Variants in NLGN1 observed in about 807,000 individuals in gnomAD.
NLGN1 encodes neuroligin 1, also known as neuroligin-1.
In NLGN1, 12 loss-of-function variants were observed where a neutral mutation model predicts 65.5. The ratio of observed to expected loss-of-function variants is 0.18; its 90% CI spans 0.12 to 0.30. The LOEUF (loss-of-function observed/expected upper bound fraction) is 0.30, where lower values mean the gene tolerates loss of function less well. Among genes scored for constraint, NLGN1 ranks in the 10% least tolerant of loss-of-function variants. The pLI, the probability that NLGN1 is intolerant of heterozygous loss-of-function variation, is 1.00. For missense variants in NLGN1, 750 were observed against 1,007.1 expected, an observed-to-expected ratio of 0.74 and a Z score of 3.46; for synonymous variants, 350 against 359.5, an observed-to-expected ratio of 0.97 and a Z score of 0.30.
At chr3:174,120,225 C>T (rs1049748303) in intron 4 of NLGN1, among the ~76,000 whole-genome samples, 10 of 152,082 alleles carry the variant, frequency 6.6e-5, no homozygotes, top group South Asian at 2.1e-4. Flanking sequence ...TGGTGGCTCA[C>T]GCCTGTAATC....
At chr3:173,524,569 T>C (rs951927250) in intron 2 of NLGN1, among the ~76,000 whole-genome samples, 1 of 152,248 alleles carries the variant, frequency 6.6e-6, no homozygotes, top group Admixed American at 6.5e-5. Context: ...TTCTCTTGCC[T>C]GTTTGCTCTG....
intron 4 of NLGN1, among the ~76,000 whole-genome samples, chr3:174,035,288 G>A (rs1006789918): frequency 6.6e-6 from 1 of 152,112 alleles, no homozygotes; most frequent in Non-Finnish European, 1.5e-5. Context: ...TTTGAAAGGT[G>A]CAAACAGGAA....
rs1734152891 is a variant in NLGN1, at chr3:174,048,619, A to G, written c.647-226696A>G. On this transcript the variant is annotated intron_variant, in intron 4 of 6. Transcript: ENST00000457714. The stretch of plus-strand genomic sequence containing the variant: ...CCTGGGGGAAATCTGTAGATAAAAG[A>G]CAAAAGCCAATCCATAAAGAATGAC... Among the ~76,000 whole-genome samples the G allele has an allele frequency of 2.0e-5, 3 of 152,064 alleles. No individual in the cohort carries two copies. In the South Asian group the frequency reaches 6.2e-4, roughly 31 times the overall value.
At chr3:173,962,788 C>T (rs907772397) in intron 4 of NLGN1, among the ~76,000 whole-genome samples, 5 of 152,106 alleles carry the variant, frequency 3.3e-5, no homozygotes, top group African/African-American at 1.2e-4. Context: ...CCTAAGGGTG[C>T]TTTCTAATTA....
At chr3:173,935,113 G>A (rs116768222) in intron 4 of NLGN1, among the ~76,000 whole-genome samples, 166 of 151,978 alleles carry the variant, frequency 1.1e-3, no homozygotes, top group African/African-American at 3.9e-3. Flanking sequence ...CCATCTTCTG[G>A]GAGTTCTGGA....
intron 3 of NLGN1, among the ~76,000 whole-genome samples, chr3:173,768,082 A>G (rs1207281405): frequency 1.3e-5 from 2 of 152,086 alleles, no homozygotes; most frequent in Non-Finnish European, 2.9e-5. Flanking sequence ...TGTCTCTCAA[A>G]TATGTATGTG....
chr3:174,113,548 A>G (rs749173822), intron 4 of NLGN1, among the ~76,000 whole-genome samples: 5 of 152,116 alleles, frequency 3.3e-5, no homozygotes, highest in Non-Finnish European at 5.9e-5. Flanking sequence ...TCTCCTAGCT[A>G]AAATGAATTT....
intron 4 of NLGN1, among the ~76,000 whole-genome samples, chr3:174,073,189 T>G (rs1165196011): frequency 1.3e-5 from 2 of 150,898 alleles, no homozygotes; most frequent in African/African-American, 4.9e-5. Context: ...AAATCATAGG[T>G]TTTTTTTTCA....
intron 2 of NLGN1, among the ~76,000 whole-genome samples, chr3:173,488,319 T>A (rs1486958803): frequency 6.6e-6 from 1 of 151,976 alleles, no homozygotes; most frequent in African/African-American, 2.4e-5. Context: ...ATACTCTTTG[T>A]TCATATTCTT....
chr3:173,501,776 T>C (rs1731170154), intron 2 of NLGN1, among the ~76,000 whole-genome samples: 1 of 151,900 alleles, frequency 6.6e-6, no homozygotes. Context: ...TCTCATAGTG[T>C]AAAGAATAGA....
At chr3:173,481,958 T>A (rs1727369428) in intron 2 of NLGN1, among the ~76,000 whole-genome samples, 1 of 152,020 alleles carries the variant, frequency 6.6e-6, no homozygotes, top group African/African-American at 2.4e-5. Context: ...ATTTTATGTT[T>A]GTTATTCATT....
At chr3:173,878,591 A>G (rs1244226922) in intron 4 of NLGN1, among the ~76,000 whole-genome samples, 1 of 151,020 alleles carries the variant, frequency 6.6e-6, no homozygotes, top group African/African-American at 2.4e-5. Context: ...ACATTCATGC[A>G]TTTATCTGTC....
intron 4 of NLGN1, among the ~76,000 whole-genome samples, chr3:174,222,126 A>T (rs2152806599): frequency 6.6e-6 from 1 of 152,216 alleles, no homozygotes; most frequent in East Asian, 1.9e-4. Flanking sequence ...GTATTTTGAG[A>T]TAAGTAGCTG....
Position 174,280,895 on chromosome 3 carries a change from T to C in NLGN1, c.2064T>C (p.Phe688=). ...TTGCAGTTGGAGCATCACTGCTGTT[T>C]CTGAACATCTTGGCCTTTGCAGCCC... The change falls in exon 7 of 7, where the codon TTT becomes TTC. Residue 688 remains phenylalanine (F), a synonymous_variant. Transcript: ENST00000457714. This position sits in a 1 kb window ranked among gnomAD's most constrained non-coding sequence, Gnocchi z 4.9. The C allele has an allele frequency of 1.2e-6, 2 of 1,613,406 alleles. No individual in the cohort carries two copies. The highest frequency in any genetic ancestry group is 2.2e-5 in the South Asian group (2 of 91,078).
intron 2 of NLGN1, among the ~76,000 whole-genome samples, chr3:173,569,651 G>A (rs541043937): frequency 7.6e-6 from 1 of 132,412 alleles, no homozygotes; most frequent in South Asian, 2.4e-4. Flanking sequence ...GATGCTTGCT[G>A]TTTCTTTTTT....
intron 3 of NLGN1, among the ~76,000 whole-genome samples, chr3:173,656,184 A>AGCAGGAGAATGGG (rs1760000640): frequency 6.6e-5 from 10 of 152,090 alleles, no homozygotes; most frequent in Non-Finnish European, 1.3e-4. Flanking sequence ...AGTTTTAGGA[A>AGCAGGAGAATGGG]GTCCTTAGGT....
rs561849852 is a variant in NLGN1, at chr3:173,446,371, C to T, written c.-321+11293C>T. On this transcript the variant is annotated intron_variant, in intron 2 of 6. Coordinates refer to ENST00000457714, the Ensembl canonical transcript of NLGN1. ...GAGAATGATGGTTTCCAGCTTCATC[C>T]ATGTCCCTACAAAGGACATGAACTC... Among the ~76,000 whole-genome samples, 6 of 152,230 alleles carry T rather than the reference C, an allele frequency of 3.9e-5. 1 individual carries two copies. The East Asian group carries it at 1.2e-3, about 29-fold the overall frequency.
intron 2 of NLGN1, among the ~76,000 whole-genome samples, chr3:173,561,024 T>C (rs1442582466): frequency 2.6e-5 from 4 of 152,194 alleles, no homozygotes; most frequent in Non-Finnish European, 5.9e-5. Context: ...GGGTTTGTAT[T>C]GTTTGTTTGT....
chr3:173,917,699 G>A (rs1297289004), intron 4 of NLGN1, among the ~76,000 whole-genome samples: 2 of 152,136 alleles, frequency 1.3e-5, no homozygotes, highest in Admixed American at 6.6e-5. Context: ...CAAAGGTAAG[G>A]CAGAAATTCT....
Sources: allele counts gnomAD v4.1 joint callset (sites outside exome capture counted in the v4.1 genomes callset), GRCh38; gene constraint gnomAD v4.1.1; non-coding constraint Gnocchi (gnomAD v3.1); transcripts MANE v1.5; gene names NCBI Gene and HGNC (gene_info 2026-07-23, HGNC 2026-07-21).